The following PCDH15 variants were observed in gnomAD, a reference collection of about 807,000 sequenced individuals.
PCDH15 encodes protocadherin-15.
A neutral mutation model predicts 178.5 loss-of-function variants in PCDH15; 129 were observed. The observed-to-expected ratio is 0.72, with a 90% CI of 0.63 to 0.84. PCDH15 has a LOEUF of 0.84. Ranked by LOEUF, PCDH15 falls within the 40% of genes least tolerant of loss-of-function variation. PCDH15 has a pLI of 0.00. For synonymous variants in PCDH15, 800 were observed against 732.0 expected (o/e 1.09, Z -1.50); for missense variants, 2,230 against 2,099.9 (o/e 1.06, Z -1.21).
rs896950930 is a variant in PCDH15, at chr10:55,403,413, T to G, written c.-156+224212A>C. On this transcript the variant is annotated intron_variant, in intron 2 of 5. Transcript: ENST00000613346. ...TTGCCTTTTTTTTCTTTTTATTACC[T>G]GTTTATTTGAAGTCTTGGCCATAAA... 4.1e-4 allele frequency among the ~76,000 whole-genome samples: 62 copies of G among 151,840 alleles called. 1 individual carries two copies. The highest frequency in any genetic ancestry group is 1.6e-4 in the Non-Finnish European group (11 of 67,876).
intron 15 of PCDH15, among the ~76,000 whole-genome samples, chr10:54,101,980 A>C (rs535587639): frequency 6.6e-6 from 1 of 152,294 alleles, no homozygotes. Context: ...GTCTCAAAAT[A>C]ATATTAATAA....
chr10:54,116,579 C>A (rs2095117034), intron 15 of PCDH15, among the ~76,000 whole-genome samples: 1 of 152,152 alleles, frequency 6.6e-6, no homozygotes, highest in Admixed American at 6.5e-5. Context: ...TCAGAGTAGA[C>A]ATACATGGAA....
intron 1 of PCDH15, among the ~76,000 whole-genome samples, chr10:54,751,879 A>T (rs994324388): frequency 6.6e-6 from 1 of 152,152 alleles, no homozygotes; most frequent in African/African-American, 2.4e-5. Context: ...AGGCTTTCCC[A>T]ATATTATAAA....
intron 23 of PCDH15, among the ~76,000 whole-genome samples, chr10:53,954,517 A>G (rs1265939356): frequency 6.6e-6 from 1 of 152,196 alleles, no homozygotes; most frequent in Non-Finnish European, 1.5e-5. Flanking sequence ...AGGTCTTCAC[A>G]ATGCTAGTTT....
chr10:55,501,367 G>A (rs1014567239), intron 2 of PCDH15, among the ~76,000 whole-genome samples: 2 of 151,652 alleles, frequency 1.3e-5, no homozygotes, highest in African/African-American at 4.8e-5. Flanking sequence ...TGTTATGGAA[G>A]TCCTAGGAAA....
At chr10:53,834,129 G>A (rs1024171086) in intron 29 of PCDH15, among the ~76,000 whole-genome samples, 17 of 152,128 alleles carry the variant, frequency 1.1e-4, no homozygotes, top group Non-Finnish European at 1.6e-4. Context: ...ACAGAAGAGG[G>A]TTGACTGCTA....
chr10:54,987,796 TC>T (rs1261778394), intron 2 of PCDH15, among the ~76,000 whole-genome samples: 1 of 152,086 alleles, frequency 6.6e-6, no homozygotes, highest in Non-Finnish European at 1.5e-5. Context: ...AAATTTTTTT[TC>T]CCCACGCTGT....
At chr10:55,181,757 G>A (rs1347842519) in intron 1 of PCDH15, among the ~76,000 whole-genome samples, 1 of 151,902 alleles carries the variant, frequency 6.6e-6, no homozygotes, top group Non-Finnish European at 1.5e-5. Context: ...GATTAAAACT[G>A]ATTTTCTGAT....
At chr10:54,621,407 A>C (rs1007673541) in intron 2 of PCDH15, among the ~76,000 whole-genome samples, 1 of 152,032 alleles carries the variant, frequency 6.6e-6, no homozygotes, top group South Asian at 2.1e-4. Flanking sequence ...TGAGAAAGAA[A>C]AGATGAAATA....
chr10:55,342,598 T>C (rs1844634762), intron 2 of PCDH15, among the ~76,000 whole-genome samples: 1 of 152,066 alleles, frequency 6.6e-6, no homozygotes. Flanking sequence ...ATGTGAATCA[T>C]TGTGCCTGTG....
At chr10:53,917,993 C>A (rs1343945752) in intron 25 of PCDH15, among the ~76,000 whole-genome samples, 2 of 152,104 alleles carry the variant, frequency 1.3e-5, no homozygotes, top group Non-Finnish European at 2.9e-5. Context: ...CTTCCTGAGG[C>A]CCTCATCAAG....
At chr10:53,822,789 A>G (rs1401413958) in intron 32 of PCDH15, 3 of 1,613,982 alleles carry the variant, frequency 1.9e-6, no homozygotes, top group South Asian at 2.2e-5. Context: ...TCCTTCTATC[A>G]TCAGTGTTTC....
chr10:54,945,853 T>C (rs765013613), intron 2 of PCDH15, among the ~76,000 whole-genome samples: 1 of 151,842 alleles, frequency 6.6e-6, no homozygotes, highest in Non-Finnish European at 1.5e-5. Flanking sequence ...TGGGTGAGTC[T>C]ATATTCTCAA....
chr10:55,381,626 G>A (rs1196045525), intron 2 of PCDH15, among the ~76,000 whole-genome samples: 4 of 152,070 alleles, frequency 2.6e-5, no homozygotes, highest in African/African-American at 9.7e-5. Flanking sequence ...GTACAAGCCT[G>A]ACTGAAGGCA....
intron 18 of PCDH15, among the ~76,000 whole-genome samples, chr10:54,034,810 T>C (rs1018836554): frequency 2.0e-5 from 3 of 151,934 alleles, no homozygotes; most frequent in Non-Finnish European, 4.4e-5. Context: ...GCAGGCTTTA[T>C]GAAAAGTGCT....
At chr10:54,431,354 TC>T (rs1956951271) in intron 3 of PCDH15, among the ~76,000 whole-genome samples, 1 of 152,110 alleles carries the variant, frequency 6.6e-6, no homozygotes, top group African/African-American at 2.4e-5. Flanking sequence ...GCAAAAATCT[TC>T]AACAAAATAC....
intron 1 of PCDH15, among the ~76,000 whole-genome samples, chr10:55,266,321 C>G (rs1001731377): frequency 6.6e-6 from 1 of 152,126 alleles, no homozygotes; most frequent in Non-Finnish European, 1.5e-5. Context: ...AGGAATCTCA[C>G]TGCTGTTCTC....
intron 3 of PCDH15, among the ~76,000 whole-genome samples, chr10:54,518,300 T>C (rs569037777): frequency 4.6e-5 from 7 of 151,828 alleles, no homozygotes; most frequent in South Asian, 4.2e-4. Flanking sequence ...ATCAACAAAA[T>C]TGATAGACCG....
intron 21 of PCDH15, among the ~76,000 whole-genome samples, chr10:53,984,658 A>G (rs1021655411): frequency 6.6e-6 from 1 of 152,148 alleles, no homozygotes; most frequent in African/African-American, 2.4e-5. Context: ...AATATTACCT[A>G]TAGTTTATGA....
Sources: gnomAD v4.1 joint callset for allele counts (sites outside exome capture counted in the v4.1 genomes callset) on GRCh38, gnomAD v4.1.1 for gene constraint, MANE v1.5 for transcripts, NCBI Gene and HGNC (gene_info 2026-07-23, HGNC 2026-07-21) for gene names.